The following ROBO2 variants were observed in gnomAD, a reference collection of about 807,000 sequenced individuals.
The protein encoded by ROBO2 is roundabout homolog 2.
In ROBO2, 53 loss-of-function variants were observed where a neutral mutation model predicts 160.8. The ratio of observed to expected loss-of-function variants is 0.33; its 90% CI spans 0.26 to 0.41. ROBO2 has a LOEUF of 0.41. Among genes scored for constraint, ROBO2 ranks in the 10% least tolerant of loss-of-function variants. ROBO2 has a pLI of 1.00. For missense variants in ROBO2, 1,577 were observed against 1,722.4 expected (o/e 0.92, Z 1.49); for synonymous variants, 664 against 611.7 (o/e 1.09, Z -1.26).
chr3:76,239,308 C>G (rs1363679403), intron 2 of ROBO2, among the ~76,000 whole-genome samples: 7 of 151,880 alleles, frequency 4.6e-5, no homozygotes, highest in African/African-American at 1.5e-4. Flanking sequence ...TCAAAATTAT[C>G]TGGCATGACT....
At chr3:77,192,439 T>G (rs2081939577) in intron 2 of ROBO2, among the ~76,000 whole-genome samples, 1 of 152,150 alleles carries the variant, frequency 6.6e-6, no homozygotes, top group African/African-American at 2.4e-5. Flanking sequence ...CTTTAAATGT[T>G]GAATGTAGCT....
At chr3:76,713,399 T>C (rs1023866219) in intron 2 of ROBO2, among the ~76,000 whole-genome samples, 1 of 152,226 alleles carries the variant, frequency 6.6e-6, no homozygotes, top group Admixed American at 6.5e-5. Flanking sequence ...ATTTTTGTTG[T>C]TATCCTAAGA....
intron 2 of ROBO2, among the ~76,000 whole-genome samples, chr3:77,104,745 C>T (rs1414180934): frequency 6.6e-6 from 1 of 152,086 alleles, no homozygotes; most frequent in Non-Finnish European, 1.5e-5. Flanking sequence ...AGTCATAAAA[C>T]ATTTCTACTG....
rs557967319 is a variant in ROBO2 at position 76,995,415 on chromosome 3, G to A, written c.110-102599G>A. The stretch of plus-strand genomic sequence containing the variant: ...GAATAGTGCTGCAATAAACATACGC[G>A]TGCATGTGTCTTTACAGCAGCATGT... On this transcript the variant is annotated intron_variant, in intron 2 of 26. Transcript: ENST00000487694. 4.6e-5 allele frequency among the ~76,000 whole-genome samples: 7 copies of A among 152,230 alleles called. No homozygotes were observed. The East Asian group carries it at 5.8e-4, about 13-fold the overall frequency.
chr3:76,731,208 CATT>C, intron 2 of ROBO2, among the ~76,000 whole-genome samples: 1 of 152,274 alleles, frequency 6.6e-6, no homozygotes, highest in South Asian at 2.1e-4. Flanking sequence ...AACATGACAA[CATT>C]ATAATTCATA....
At chr3:76,258,861 T>A (rs899091150) in intron 2 of ROBO2, among the ~76,000 whole-genome samples, 3 of 152,060 alleles carry the variant, frequency 2.0e-5, no homozygotes, top group African/African-American at 7.2e-5. Flanking sequence ...GATGTTTGAC[T>A]GTAATTGAGT....
intron 2 of ROBO2, among the ~76,000 whole-genome samples, chr3:76,272,971 A>ATATATAATATATAATATATAT (rs1707648767): frequency 5.0e-5 from 1 of 19,920 alleles, no homozygotes; most frequent in Non-Finnish European, 1.5e-4. Flanking sequence ...TTTATATATA[A>ATATATAATATATAATATATAT]AATATATATA....
chr3:75,995,142 A>G (rs994780740), intron 2 of ROBO2, among the ~76,000 whole-genome samples: 5 of 152,330 alleles, frequency 3.3e-5, no homozygotes, highest in African/African-American at 4.8e-5. Context: ...AGAAATTTGC[A>G]TAAGTAATGA....
chr3:76,077,224 G>A (rs2068671908), intron 2 of ROBO2, among the ~76,000 whole-genome samples: 1 of 152,060 alleles, frequency 6.6e-6, no homozygotes, highest in Admixed American at 6.6e-5. Context: ...GTGCAACTAG[G>A]GATTGGGGAA....
At chr3:77,098,079 T>C in exon 2 of ROBO2, 1 of 1,606,794 alleles carries the variant, frequency 6.2e-7, no homozygotes, top group South Asian at 1.1e-5. Flanking sequence ...TGTCATCGTC[T>C]CTAAGGGCGA....
chr3:75,996,994 C>T (rs1226417004), intron 2 of ROBO2, among the ~76,000 whole-genome samples: 1 of 152,182 alleles, frequency 6.6e-6, no homozygotes, highest in Non-Finnish European at 1.5e-5. Flanking sequence ...CCTTCAGGCT[C>T]TACCTAAAAA....
intron 2 of ROBO2, among the ~76,000 whole-genome samples, chr3:76,314,203 G>A (rs1333871580): frequency 6.6e-6 from 1 of 152,072 alleles, no homozygotes. Context: ...TTTAGAGCAT[G>A]ACATAAGTGA....
chr3:76,102,019 G>A (rs1404753880), intron 2 of ROBO2, among the ~76,000 whole-genome samples: 14 of 133,280 alleles, frequency 1.1e-4, no homozygotes, highest in Admixed American at 1.5e-4. Flanking sequence ...ATTGTACCCC[G>A]GGGTGTGATG....
At position 76,950,388 on chromosome 3, in the gene ROBO2, A is replaced by G. The variant is rs533740941; in HGVS notation, c.110-147626A>G. Among the ~76,000 whole-genome samples the G allele has an allele frequency of 7.2e-5, 11 of 152,376 alleles. No homozygotes were observed. The South Asian group carries it at 1.7e-3, about 23-fold the overall frequency. ...TTTGTCATTTTGTAAGCCTCAATTC[A>G]GATGGAGTGACACACTTATACATCA... On this transcript the variant is annotated intron_variant, in intron 2 of 26. Coordinates refer to the ROBO2 transcript ENST00000487694.
At chr3:77,170,479 G>A (rs2079530675) in intron 2 of ROBO2, among the ~76,000 whole-genome samples, 2 of 152,094 alleles carry the variant, frequency 1.3e-5, no homozygotes, top group Non-Finnish European at 2.9e-5. Flanking sequence ...GTTAAGGAAA[G>A]TGCTTTGAAT....
At chr3:77,029,326 TTTTC>T (rs749943518) in intron 2 of ROBO2, among the ~76,000 whole-genome samples, 5 of 152,180 alleles carry the variant, frequency 3.3e-5, no homozygotes, top group Non-Finnish European at 4.4e-5. Context: ...TTGGAGAGAA[TTTTC>T]TTTTTTATTT....
chr3:76,538,941 A>G (rs2082665403), intron 2 of ROBO2, among the ~76,000 whole-genome samples: 1 of 152,130 alleles, frequency 6.6e-6, no homozygotes, highest in African/African-American at 2.4e-5. Context: ...CTTGGAACCA[A>G]CCCAAATGCT....
chr3:76,079,231 A>G (rs2068738380), intron 2 of ROBO2, among the ~76,000 whole-genome samples: 2 of 152,182 alleles, frequency 1.3e-5, no homozygotes. Context: ...AGTGTTCATT[A>G]TCACAATAAG....
At chr3:76,104,081 C>G (rs1018014496) in intron 2 of ROBO2, among the ~76,000 whole-genome samples, 1 of 152,128 alleles carries the variant, frequency 6.6e-6, no homozygotes, top group Non-Finnish European at 1.5e-5. Flanking sequence ...TTTTCTGAAC[C>G]CTGGTCTCTT....
Sources: gnomAD v4.1 joint callset for allele counts (sites outside exome capture counted in the v4.1 genomes callset) on GRCh38, gnomAD v4.1.1 for gene constraint, MANE v1.5 for transcripts, NCBI Gene and HGNC (gene_info 2026-07-23, HGNC 2026-07-21) for gene names.